The following KAZN variants were observed in gnomAD, a reference collection of about 807,000 sequenced individuals.
KAZN encodes the protein kazrin.
In KAZN, 40 loss-of-function variants were observed where a neutral mutation model predicts 87.4. That is an observed-to-expected ratio of 0.46 (90% CI 0.36 to 0.60). The LOEUF is 0.60. Among genes scored for constraint, KAZN ranks in the 20% least tolerant of loss-of-function variants. The pLI is 0.00. For synonymous variants in KAZN, 466 were observed against 458.3 expected (o/e 1.02, Z -0.22); for missense variants, 898 against 1,073.9 (o/e 0.84, Z 2.29).
Position 14,234,528 on chromosome 1 carries a change from A to G in KAZN, c.249+53936A>G, listed in dbSNP as rs959332522. Among the ~76,000 whole-genome samples, 6 of 152,216 alleles carry G rather than the reference A, an allele frequency of 3.9e-5. No individual in the cohort carries two copies. The South Asian group carries it at 1.0e-3, about 26-fold the overall frequency. ...TGTAACAAACCTGCACGTTCTGCAC[A>G]TGTACCCCAGAACTTAAAGTATAAT... On this transcript the variant is annotated intron_variant, in intron 2 of 16. Transcript: ENST00000636203.
chr1:14,958,086 A>G (rs1347945079), intron 1 of KAZN, among the ~76,000 whole-genome samples: 1 of 152,190 alleles, frequency 6.6e-6, no homozygotes, highest in South Asian at 2.1e-4. Context: ...CTCAGGGCTC[A>G]GCCCTGCTCC....
chr1:14,641,262 C>T (rs1680386756), intron 1 of KAZN, among the ~76,000 whole-genome samples: 1 of 152,126 alleles, frequency 6.6e-6, no homozygotes, highest in South Asian at 2.1e-4. Context: ...GTAGACTGGC[C>T]AGGCAAAAGC....
chr1:14,918,995 A>T (rs1394387827), intron 1 of KAZN, among the ~76,000 whole-genome samples: 1 of 152,050 alleles, frequency 6.6e-6, no homozygotes, highest in African/African-American at 2.4e-5. Flanking sequence ...ATGCAGCAAT[A>T]GGTAATATAC....
intron 1 of KAZN, among the ~76,000 whole-genome samples, chr1:14,176,868 C>G (rs1646089027): frequency 1.3e-5 from 2 of 152,290 alleles, no homozygotes; most frequent in Admixed American, 1.3e-4. Flanking sequence ...GGTATAAGAT[C>G]TAAAACTTAG....
At chr1:14,312,606 GA>G (rs1487712902) in intron 2 of KAZN, among the ~76,000 whole-genome samples, 1 of 151,900 alleles carries the variant, frequency 6.6e-6, no homozygotes, top group Non-Finnish European at 1.5e-5. Context: ...ATAATATATA[GA>G]AACACCCTTG....
intron 2 of KAZN, among the ~76,000 whole-genome samples, chr1:14,433,205 G>A (rs1666182941): frequency 6.6e-6 from 1 of 152,140 alleles, no homozygotes; most frequent in African/African-American, 2.4e-5. Context: ...AAGATCCAGA[G>A]CTTTTCCCTC....
intron 1 of KAZN, among the ~76,000 whole-genome samples, chr1:14,146,936 C>T (rs1232417531): frequency 6.6e-6 from 1 of 151,996 alleles, no homozygotes; most frequent in Non-Finnish European, 1.5e-5. Flanking sequence ...CTTCTGTCAC[C>T]CCCAAGACAG....
rs1329614566 is a variant in KAZN, at chr1:14,190,169, C to T, written c.249+9577C>T. ...ACATCAATTCAGCTGGTCATTACAA[C>T]AGGTGCATGGTTAATTTGTTCAACA... On this transcript the variant is annotated intron_variant, in intron 2 of 16. Transcript: ENST00000636203. 2.6e-5 allele frequency among the ~76,000 whole-genome samples: 4 copies of T among 152,150 alleles called. No individual in the cohort carries two copies. In the East Asian group the frequency reaches 5.8e-4, roughly 22 times the overall value.
At chr1:14,478,399 G>T (rs1181056994) in intron 2 of KAZN, among the ~76,000 whole-genome samples, 1 of 152,148 alleles carries the variant, frequency 6.6e-6, no homozygotes, top group African/African-American at 2.4e-5. Context: ...TGGAAAAAAG[G>T]ATAAATGAAA....
chr1:14,971,974 C>T (rs1267871135), intron 2 of KAZN, among the ~76,000 whole-genome samples: 1 of 152,134 alleles, frequency 6.6e-6, no homozygotes, highest in Non-Finnish European at 1.5e-5. Context: ...CCAGTGGTCT[C>T]GGCTGCAGCA....
At chr1:14,667,495 T>C (rs796695394) in intron 1 of KAZN, among the ~76,000 whole-genome samples, 8 of 152,332 alleles carry the variant, frequency 5.3e-5, no homozygotes, top group African/African-American at 1.4e-4. Flanking sequence ...ACCACGTTCA[T>C]CTGATTATGC....
chr1:14,664,517 T>C (rs1317052297), intron 1 of KAZN, among the ~76,000 whole-genome samples: 1 of 152,154 alleles, frequency 6.6e-6, no homozygotes, highest in Non-Finnish European at 1.5e-5. Context: ...AAAAACAATT[T>C]AGTGATTCCT....
intron 1 of KAZN, among the ~76,000 whole-genome samples, chr1:14,659,932 C>T (rs1313458833): frequency 6.6e-6 from 1 of 151,874 alleles, no homozygotes; most frequent in Admixed American, 6.6e-5. Flanking sequence ...ACACAAAACC[C>T]AGTACATTAC....
Position 14,987,310 on chromosome 1 carries a change from T to C in KAZN, c.418+26435T>C, listed in dbSNP as rs375213852. Among the ~76,000 whole-genome samples, 17 of 152,190 alleles carry C rather than the reference T, an allele frequency of 1.1e-4. No individual in the cohort carries two copies. The East Asian group carries it at 1.9e-3, about 17-fold the overall frequency. On this transcript the variant is annotated intron_variant, in intron 2 of 14. Transcript: ENST00000376030. ...GAGTTCGAGACCAGCCTGGCCAACA[T>C]GGTGAAACCCCGTCTCTACTAAAGA...
chr1:13,958,227 A>G (rs1022612552), intron 1 of KAZN, among the ~76,000 whole-genome samples: 2 of 152,208 alleles, frequency 1.3e-5, no homozygotes, highest in African/African-American at 4.8e-5. Context: ...TTCAATTGCT[A>G]ATTTTTAAAA....
chr1:14,258,437 G>A lies in KAZN; in HGVS notation c.249+77845G>A, dbSNP rs1216531077. 1.5e-4 allele frequency among the ~76,000 whole-genome samples: 21 copies of A among 142,170 alleles called. 1 individual carries two copies. Among genetic ancestry groups the A allele is most frequent in the Admixed American group, 3.0e-4 (4 of 13,558 alleles). 93.3% of individuals were successfully genotyped at this position (142,170 alleles called of 152,430 possible). Reference sequence around the variant, plus strand: ...TTTTAGTAGACCACGGGGTTTCACCGTGTTAGCCAGGATGGTCTCGATCTC... The same window carrying A: ...TTTTAGTAGACCACGGGGTTTCACCATGTTAGCCAGGATGGTCTCGATCTC... On this transcript the variant is annotated intron_variant, in intron 2 of 16. Coordinates refer to the KAZN transcript ENST00000636203.
chr1:14,618,805 C>T (rs1678459491), intron 1 of KAZN, among the ~76,000 whole-genome samples: 1 of 152,132 alleles, frequency 6.6e-6, no homozygotes. Context: ...GTAGTATGTG[C>T]AAGGTATGTA....
chr1:14,186,520 G>A (rs1247749464), intron 2 of KAZN, among the ~76,000 whole-genome samples: 1 of 152,144 alleles, frequency 6.6e-6, no homozygotes, highest in Non-Finnish European at 1.5e-5. Flanking sequence ...AGCGTGCTGT[G>A]GTTAGGACAA....
rs947562880 is a variant in KAZN at position 14,375,526 on chromosome 1, A to G, written c.249+194934A>G. Among the ~76,000 whole-genome samples the G allele has an allele frequency of 2.0e-5, 3 of 152,208 alleles. No homozygotes were observed. In the East Asian group the frequency reaches 5.8e-4, roughly 29 times the overall value. On this transcript the variant is annotated intron_variant, in intron 2 of 16. Coordinates refer to the KAZN transcript ENST00000636203. ...CTAAGAGGCCCTGAAAACCAAGCCC[A>G]CTAAGATTAAACCAATCTGCATTTT...
Sources: allele counts gnomAD v4.1 joint callset (sites outside exome capture counted in the v4.1 genomes callset), GRCh38; gene constraint gnomAD v4.1.1; transcripts MANE v1.5; gene names NCBI Gene and HGNC (gene_info 2026-07-23, HGNC 2026-07-21).